PTPRN2: variants seen among roughly 807,000 people sequenced by gnomAD.
PTPRN2 encodes protein tyrosine phosphatase receptor type N2, also known as receptor-type tyrosine-protein phosphatase N2.
PTPRN2 carries 74 observed loss-of-function variants against 118.8 expected under a neutral mutation model. That is an observed-to-expected ratio of 0.62 (90% CI 0.52 to 0.76). The LOEUF (loss-of-function observed/expected upper bound fraction) is 0.76. Ranked by LOEUF, PTPRN2 falls within the 30% of genes least tolerant of loss-of-function variation. The pLI, the probability that PTPRN2 is intolerant of heterozygous loss-of-function variation, is 0.00. For synonymous variants in PTPRN2, 641 were observed against 608.0 expected (o/e 1.05, Z -0.80); for missense variants, 1,481 against 1,394.4 (o/e 1.06, Z -0.99).
rs746098250 is a variant in PTPRN2, at chr7:157,548,981, A to T, written c.2941T>A (p.Leu981Met). 2.5e-6 allele frequency: 4 copies of T among 1,614,116 alleles called. No homozygotes were observed. The African/African-American group carries it at 5.3e-5, about 22-fold the overall frequency. ...ACCATGCCGGGTCTCTGGTCCCTCA[A>T]GTGCTCCAGGGTCGCTGCGATATCA... The part of the protein sequence containing the change: ...EIDIAATLEH[L>M]RDQRPGMVQT... Residue 981 changes from leucine (L) to methionine (M), a missense_variant, in exon 22 of 23, where the codon TTG becomes ATG. Physicochemically the swap from Leu to Met is conservative, Grantham distance 15 (BLOSUM62 2). Around this residue, in one of 3 missense-constraint regions of PTPRN2, gnomAD observed 362 missense variants for 384.1 expected, o/e 0.94. Coordinates refer to ENST00000389418, the MANE Select transcript of PTPRN2 (RefSeq NM_002847.5).
At chr7:158,429,178 G>A (rs1445757401) in intron 2 of PTPRN2, among the ~76,000 whole-genome samples, 5 of 152,192 alleles carry the variant, frequency 3.3e-5, no homozygotes, top group African/African-American at 1.2e-4. Flanking sequence ...GGGGCAGGGT[G>A]GGGCTGTCAC....
intron 12 of PTPRN2, among the ~76,000 whole-genome samples, chr7:157,703,938 G>A (rs1233173280): frequency 1.3e-5 from 2 of 152,174 alleles, no homozygotes; most frequent in African/African-American, 4.8e-5. Flanking sequence ...CGTGATCACC[G>A]TGGGGCTCAG....
At chr7:158,390,739 C>T (rs1563234028) in intron 2 of PTPRN2, among the ~76,000 whole-genome samples, 1 of 152,250 alleles carries the variant, frequency 6.6e-6, no homozygotes, top group Admixed American at 6.5e-5. Flanking sequence ...GAGAGCTGGC[C>T]GATGTCTCCC....
intron 3 of PTPRN2, among the ~76,000 whole-genome samples, chr7:158,244,719 AGAGTG>A (rs1796094947): frequency 1.3e-5 from 1 of 77,502 alleles, no homozygotes; most frequent in Non-Finnish European, 2.5e-5. Flanking sequence ...GAGTTGTGTT[AGAGTG>A]AAAGTGTGTG....
intron 6 of PTPRN2, among the ~76,000 whole-genome samples, chr7:158,150,546 C>A (rs921325132): frequency 3.3e-5 from 5 of 152,052 alleles, no homozygotes; most frequent in Non-Finnish European, 5.9e-5. Flanking sequence ...GCTCCTGGAG[C>A]CCAGAAACAA....
At chr7:158,247,274 C>T (rs910152234) in intron 3 of PTPRN2, among the ~76,000 whole-genome samples, 1 of 152,214 alleles carries the variant, frequency 6.6e-6, no homozygotes, top group Non-Finnish European at 1.5e-5. Flanking sequence ...AGGAAGGGGG[C>T]AGGCGCCAGG....
chr7:158,137,404 G>A (rs1212792379), intron 7 of PTPRN2, among the ~76,000 whole-genome samples: 1 of 152,176 alleles, frequency 6.6e-6, no homozygotes, highest in Non-Finnish European at 1.5e-5. Flanking sequence ...GTGACAGAGA[G>A]AGACTCCATC....
intron 3 of PTPRN2, among the ~76,000 whole-genome samples, chr7:158,252,637 A>G (rs1288095396): frequency 6.6e-6 from 1 of 152,168 alleles, no homozygotes; most frequent in Non-Finnish European, 1.5e-5. Flanking sequence ...CCTGGCTTTC[A>G]GGGAAGCCAC....
chr7:158,343,143 T>C (rs1807193701), intron 2 of PTPRN2, among the ~76,000 whole-genome samples: 1 of 152,030 alleles, frequency 6.6e-6, no homozygotes, highest in Non-Finnish European at 1.5e-5. Flanking sequence ...TGGGGAAATA[T>C]TTGCCCTCAT....
intron 3 of PTPRN2, among the ~76,000 whole-genome samples, chr7:158,300,850 G>A (rs945867150): frequency 6.7e-6 from 1 of 148,268 alleles, no homozygotes; most frequent in Non-Finnish European, 1.5e-5. Flanking sequence ...GTGGACAGGG[G>A]CTGTTTCATG....
At chr7:157,569,524 C>T (rs1267753174) in intron 20 of PTPRN2, among the ~76,000 whole-genome samples, 1 of 152,246 alleles carries the variant, frequency 6.6e-6, no homozygotes, top group Non-Finnish European at 1.5e-5. Flanking sequence ...CTAAATCTTA[C>T]TCTTTAAAAA....
intron 5 of PTPRN2, among the ~76,000 whole-genome samples, chr7:158,180,066 C>A (rs1824566128): frequency 6.6e-6 from 1 of 152,250 alleles, no homozygotes; most frequent in Non-Finnish European, 1.5e-5. Flanking sequence ...AATAAGGTTG[C>A]TTTCTTTTAT....
intron 1 of PTPRN2, chr7:158,541,842 C>T (rs568051020): frequency 2.0e-5 from 12 of 604,674 alleles, no homozygotes; most frequent in African/African-American, 1.6e-4. Flanking sequence ...ACCACGCATG[C>T]GCATCACACC....
At chr7:158,041,307 C>T (rs376377433) in intron 11 of PTPRN2, among the ~76,000 whole-genome samples, 18 of 152,286 alleles carry the variant, frequency 1.2e-4, no homozygotes, top group Admixed American at 9.1e-4. Flanking sequence ...TAGCTTATTG[C>T]TTTTTTTCTA....
At chr7:158,149,227 C>G (rs570491404) in intron 6 of PTPRN2, among the ~76,000 whole-genome samples, 2 of 152,296 alleles carry the variant, frequency 1.3e-5, no homozygotes, top group South Asian at 2.1e-4. Flanking sequence ...ACCTGCTCTC[C>G]AAGCTGGCAC....
intron 11 of PTPRN2, among the ~76,000 whole-genome samples, chr7:157,928,142 A>C (rs571952622): frequency 6.6e-6 from 1 of 152,270 alleles, no homozygotes; most frequent in East Asian, 1.9e-4. Context: ...ACCACAATCC[A>C]GAAGGAAGGT....
chr7:158,098,217 G>A (rs1336438391), intron 10 of PTPRN2, among the ~76,000 whole-genome samples: 2 of 152,220 alleles, frequency 1.3e-5, no homozygotes, highest in Non-Finnish European at 2.9e-5. Flanking sequence ...TGGGGACCTC[G>A]GAGAAGCGCT....
rs183997332 is a variant in PTPRN2, at chr7:158,442,359, C to T, written c.163+47376G>A. 3.7e-3 allele frequency among the ~76,000 whole-genome samples: 558 copies of T among 152,196 alleles called. 1 individual carries two copies. The highest frequency in any genetic ancestry group is 0.012 in the African/African-American group (497 of 41,494). The stretch of plus-strand genomic sequence containing the variant: ...ATGGTATTCTCTATGTGCAAACGTA[C>T]GAGAGCTGAAAGTGACCAGTTACCT... On this transcript the variant is annotated intron_variant, in intron 2 of 22. Coordinates refer to ENST00000389418, the MANE Select transcript of PTPRN2 (RefSeq NM_002847.5).
intron 11 of PTPRN2, among the ~76,000 whole-genome samples, chr7:158,081,036 G>C (rs1055564325): frequency 6.6e-6 from 1 of 152,200 alleles, no homozygotes; most frequent in Admixed American, 6.5e-5. Flanking sequence ...ATCTGAGCCA[G>C]TTCCACACAT....
Sources: gnomAD v4.1 joint callset for allele counts (sites outside exome capture counted in the v4.1 genomes callset) on GRCh38, gnomAD v4.1.1 for gene constraint, gnomAD v4.1.1 regional missense constraint, MANE v1.5 for transcripts, NCBI Gene and HGNC (gene_info 2026-07-23, HGNC 2026-07-21) for gene names.